Variants in NFIB observed in about 807,000 individuals in gnomAD.
The protein encoded by NFIB is nuclear factor 1 B-type.
NFIB carries 11 observed loss-of-function variants against 61.5 expected under a neutral mutation model. The observed-to-expected ratio is 0.18, with a 90% CI of 0.11 to 0.30. The LOEUF (loss-of-function observed/expected upper bound fraction) is 0.30. NFIB is among the 10% of genes least tolerant of loss of function. NFIB has a pLI of 1.00. For synonymous variants in NFIB, 260 were observed against 216.5 expected, an observed-to-expected ratio of 1.20 and a Z score of -1.76; for missense variants, 471 against 608.9, an observed-to-expected ratio of 0.77 and a Z score of 2.38.
chr9:14,270,775 G>A (rs186584008), intron 2 of NFIB, among the ~76,000 whole-genome samples: 6 of 152,112 alleles, frequency 3.9e-5, no homozygotes, highest in African/African-American at 1.4e-4. Flanking sequence ...TGAGGTGACA[G>A]GAAACAAAAC....
At chr9:14,321,855 A>T (rs951333607) in intron 1 of NFIB, 1 of 1,227,936 alleles carries the variant, frequency 8.1e-7, no homozygotes, top group African/African-American at 1.6e-5. Context: ...CACAAACAGG[A>T]AAAGAAAAAC....
chr9:14,429,048 A>C, the NFIB span, among the ~76,000 whole-genome samples: 2 of 152,148 alleles, frequency 1.3e-5, no homozygotes, highest in East Asian at 3.9e-4. Flanking sequence ...GGAACACACA[A>C]GTTCACCATT....
the NFIB span, among the ~76,000 whole-genome samples, chr9:14,461,939 G>T: frequency 6.6e-6 from 1 of 152,150 alleles, no homozygotes; most frequent in African/African-American, 2.4e-5. Flanking sequence ...ATTCAGATGG[G>T]TCTCGTATAC....
chr9:14,343,709 G>C (rs933383306), intron 1 of NFIB, among the ~76,000 whole-genome samples: 1 of 152,020 alleles, frequency 6.6e-6, no homozygotes, highest in Non-Finnish European at 1.5e-5. Context: ...AGGCTGGATT[G>C]GGAGACAGGG....
In NFIB at chr9:14,213,458, A is replaced by G. The variant is rs946527762; in HGVS notation, c.563-33678T>C. On this transcript the variant is annotated intron_variant, in intron 2 of 10. Transcript: ENST00000380953. The stretch of plus-strand genomic sequence containing the variant: ...AATCACCCAGAGAGCTTGTCCTAAC[A>G]GAGTTTCTGGCCCATCCTCAGAGAT... 5.3e-5 allele frequency among the ~76,000 whole-genome samples: 8 copies of G among 152,200 alleles called. 1 individual carries two copies. The highest frequency in any genetic ancestry group is 1.3e-4 in the Admixed American group (2 of 15,282).
the NFIB span, among the ~76,000 whole-genome samples, chr9:14,423,608 A>G: frequency 3.3e-5 from 5 of 152,126 alleles, no homozygotes; most frequent in East Asian, 1.9e-4. Context: ...CCTCTCATCC[A>G]TCATTGTCCT....
intron 3 of NFIB, among the ~76,000 whole-genome samples, chr9:14,168,938 G>A (rs1231252857): frequency 2.6e-5 from 4 of 152,114 alleles, no homozygotes; most frequent in Non-Finnish European, 5.9e-5. Flanking sequence ...CATTATTCAT[G>A]TGGGCTATTT....
intron 1 of NFIB, among the ~76,000 whole-genome samples, chr9:14,350,997 G>A (rs1477895937): frequency 6.6e-6 from 1 of 152,202 alleles, no homozygotes; most frequent in Non-Finnish European, 1.5e-5. Context: ...CCAAGCTTTG[G>A]CAAAGGAGAC....
rs528291962 is a variant in NFIB, at chr9:14,347,686, G to A, written c.109-40166C>T. Among the ~76,000 whole-genome samples the A allele has an allele frequency of 2.6e-5, 4 of 152,128 alleles. No homozygotes were observed. In the East Asian group the frequency reaches 5.8e-4, roughly 22 times the overall value. On this transcript the variant is annotated intron_variant, in intron 1 of 8. Coordinates refer to the NFIB transcript ENST00000380934. ...GCCCAAGGTCCCAGAGGCACTGGGGGGTCGGGTGACTGTGCGGAGTGTAAA... is the reference window on the plus strand; with the variant it reads ...GCCCAAGGTCCCAGAGGCACTGGGGAGTCGGGTGACTGTGCGGAGTGTAAA...
chr9:14,342,866 T>C (rs1490352360), intron 1 of NFIB, among the ~76,000 whole-genome samples: 1 of 152,158 alleles, frequency 6.6e-6, no homozygotes, highest in African/African-American at 2.4e-5. Context: ...ACAATGAGGG[T>C]ACATTTCCTA....
chr9:14,409,066 T>C, the NFIB span, among the ~76,000 whole-genome samples: 1 of 152,170 alleles, frequency 6.6e-6, no homozygotes, highest in Non-Finnish European at 1.5e-5. Flanking sequence ...GTTTAAAAAC[T>C]GGTTCTGTGG....
At chr9:14,332,248 G>A (rs550337772) in intron 1 of NFIB, among the ~76,000 whole-genome samples, 6 of 148,914 alleles carry the variant, frequency 4.0e-5, no homozygotes, top group South Asian at 4.3e-4. Context: ...CAGGAGAATC[G>A]CTTGAACCTG....
intron 1 of NFIB, among the ~76,000 whole-genome samples, chr9:14,384,611 T>G (rs1157281853): frequency 6.6e-6 from 1 of 152,216 alleles, no homozygotes; most frequent in Non-Finnish European, 1.5e-5. Flanking sequence ...ACGTTGAAGG[T>G]TAATATCCAA....
chr9:14,315,498 G>A (rs1419342944), upstream of NFIB, among the ~76,000 whole-genome samples: 1 of 145,326 alleles, frequency 6.9e-6, no homozygotes, highest in East Asian at 2.1e-4. Context: ...CTCCCTACCC[G>A]CCCGGGTGCA....
At chr9:14,136,499 T>C (rs1407516175) in intron 6 of NFIB, among the ~76,000 whole-genome samples, 1 of 152,194 alleles carries the variant, frequency 6.6e-6, no homozygotes, top group Non-Finnish European at 1.5e-5. Context: ...GGAAGGGCTC[T>C]AATTTAACAA....
At chr9:14,462,930 T>A in the NFIB span, among the ~76,000 whole-genome samples, 1 of 152,206 alleles carries the variant, frequency 6.6e-6, no homozygotes, top group Non-Finnish European at 1.5e-5. Context: ...TTCATTTGTT[T>A]CAAAGGCTGA....
At chr9:14,468,172 C>T in the NFIB span, among the ~76,000 whole-genome samples, 17 of 152,298 alleles carry the variant, frequency 1.1e-4, no homozygotes, top group Non-Finnish European at 2.2e-4. Flanking sequence ...ATGTTTGCTA[C>T]GAAGCATGAT....
intron 2 of NFIB, among the ~76,000 whole-genome samples, chr9:14,188,766 A>C (rs775597626): frequency 2.6e-5 from 4 of 152,244 alleles, no homozygotes; most frequent in Non-Finnish European, 5.9e-5. Flanking sequence ...TTTCTTTTCC[A>C]TCTGGGAGAC....
At chr9:14,437,753 G>T in the NFIB span, among the ~76,000 whole-genome samples, 1 of 152,162 alleles carries the variant, frequency 6.6e-6, no homozygotes, top group Non-Finnish European at 1.5e-5. Context: ...TTTTTTCCCA[G>T]GCCAAGCTCT....
Sources: allele counts gnomAD v4.1 joint callset (sites outside exome capture counted in the v4.1 genomes callset), GRCh38; gene constraint gnomAD v4.1.1; transcripts MANE v1.5; gene names NCBI Gene and HGNC (gene_info 2026-07-23, HGNC 2026-07-21).